The following PRELID2 variants were observed in gnomAD, a reference collection of about 807,000 sequenced individuals.
PRELID2 encodes the protein PRELI domain-containing protein 2.
PRELID2 carries 25 observed loss-of-function variants against 28.4 expected under a neutral mutation model. That is an observed-to-expected ratio of 0.88 (90% CI 0.64 to 1.23). The LOEUF (loss-of-function observed/expected upper bound fraction) is 1.23. PRELID2 is among the 50% of genes most tolerant of loss of function. The pLI is 0.00. For missense variants in PRELID2, 201 were observed against 214.4 expected (o/e 0.94, Z 0.39); for synonymous variants, 76 against 71.6 (o/e 1.06, Z -0.31).
intron 1 of PRELID2, among the ~76,000 whole-genome samples, chr5:145,639,635 C>T (rs185006309): frequency 6.6e-6 from 1 of 152,258 alleles, no homozygotes; most frequent in Admixed American, 6.5e-5. Flanking sequence ...CTTCTATCTG[C>T]CTTTTTCCTA....
the PRELID2 span, among the ~76,000 whole-genome samples, chr5:145,453,259 T>C: frequency 6.6e-6 from 1 of 152,134 alleles, no homozygotes; most frequent in South Asian, 2.1e-4. Context: ...ATGGCATATG[T>C]TAATTAGAAG....
rs1000193255 is a variant in PRELID2 at position 145,758,471 on chromosome 5, T to C, written c.*2065A>G. Reference sequence around the variant, plus strand: ...GATGCCTTGGTTCCACTACCTGAGATTCTGATTTTTGGTCTGAGAAGCAAC... The same window carrying C: ...GATGCCTTGGTTCCACTACCTGAGACTCTGATTTTTGGTCTGAGAAGCAAC... On this transcript the variant is annotated 3_prime_UTR_variant, in exon 7 of 7. Coordinates refer to ENST00000683046, the MANE Select transcript of PRELID2 (RefSeq NM_205846.3). Among the ~76,000 whole-genome samples, 39 of 152,134 alleles carry C rather than the reference T, an allele frequency of 2.6e-4. No homozygotes were observed. The highest frequency in any genetic ancestry group is 8.0e-4 in the African/African-American group (33 of 41,418).
At chr5:145,668,983 C>T (rs1266661847) in intron 1 of PRELID2, among the ~76,000 whole-genome samples, 1 of 152,036 alleles carries the variant, frequency 6.6e-6, no homozygotes, top group Non-Finnish European at 1.5e-5. Flanking sequence ...GGTATCATAT[C>T]TAGAGTCACT....
chr5:145,763,025 T>C (rs1369827102), intron 6 of PRELID2, among the ~76,000 whole-genome samples: 1 of 152,138 alleles, frequency 6.6e-6, no homozygotes, highest in African/African-American at 2.4e-5. Flanking sequence ...AATCAGAACT[T>C]GGGGAGTGGG....
intron 1 of PRELID2, among the ~76,000 whole-genome samples, chr5:145,658,586 G>A (rs929180692): frequency 1.7e-4 from 26 of 152,166 alleles, no homozygotes; most frequent in Middle Eastern, 3.4e-3. Context: ...AAGAATCTGG[G>A]ACCTCTCTCT....
intron 1 of PRELID2, among the ~76,000 whole-genome samples, chr5:145,596,867 A>G (rs147658839): frequency 6.6e-6 from 1 of 152,184 alleles, no homozygotes; most frequent in African/African-American, 2.4e-5. Flanking sequence ...AAAATATTTT[A>G]TGCTAAAGAA....
At chr5:145,412,005 C>G in the PRELID2 span, among the ~76,000 whole-genome samples, 1 of 152,190 alleles carries the variant, frequency 6.6e-6, no homozygotes, top group Non-Finnish European at 1.5e-5. Flanking sequence ...AGTCCTGAGG[C>G]TGCACACAGC....
chr5:145,800,765 A>G (rs1581230511), intron 4 of PRELID2, among the ~76,000 whole-genome samples: 1 of 152,198 alleles, frequency 6.6e-6, no homozygotes, highest in Non-Finnish European at 1.5e-5. Context: ...TTATCCTACT[A>G]TATTTTAAGA....
At chr5:145,765,271 GT>G (rs1433130965) in intron 5 of PRELID2, among the ~76,000 whole-genome samples, 1 of 152,216 alleles carries the variant, frequency 6.6e-6, no homozygotes, top group Non-Finnish European at 1.5e-5. Context: ...CCCAAGAGTA[GT>G]TAAATAACTT....
intron 1 of PRELID2, among the ~76,000 whole-genome samples, chr5:145,640,221 T>C (rs1324325182): frequency 6.6e-6 from 1 of 152,022 alleles, no homozygotes; most frequent in Non-Finnish European, 1.5e-5. Context: ...GCGCGGTGGC[T>C]CACGCCTGTA....
the PRELID2 span, among the ~76,000 whole-genome samples, chr5:145,300,476 T>C: frequency 5.3e-5 from 8 of 152,162 alleles, no homozygotes; most frequent in African/African-American, 1.9e-4. Flanking sequence ...CAAATTCAAA[T>C]TTTAAAATAT....
At chr5:145,614,468 A>G (rs1581003481) in intron 1 of PRELID2, among the ~76,000 whole-genome samples, 1 of 152,116 alleles carries the variant, frequency 6.6e-6, no homozygotes, top group South Asian at 2.1e-4. Context: ...ATGCATTTCC[A>G]TTTGCTCGTG....
chr5:145,384,737 A>C, the PRELID2 span, among the ~76,000 whole-genome samples: 10 of 152,234 alleles, frequency 6.6e-5, no homozygotes, highest in South Asian at 2.1e-3. Context: ...GCGGAAGGTG[A>C]AGTAGGATTT....
intron 5 of PRELID2, among the ~76,000 whole-genome samples, chr5:145,771,904 G>A (rs959131658): frequency 4.6e-5 from 7 of 152,134 alleles, no homozygotes; most frequent in African/African-American, 1.2e-4. Flanking sequence ...CTGCATGGGA[G>A]GAAGGAAGAG....
chr5:145,324,399 G>A, the PRELID2 span, among the ~76,000 whole-genome samples: 1 of 152,112 alleles, frequency 6.6e-6, no homozygotes, highest in Non-Finnish European at 1.5e-5. Flanking sequence ...TAGGAGCCAG[G>A]GTCCAAGTTG....
chr5:145,317,700 C>A, the PRELID2 span, among the ~76,000 whole-genome samples: 1 of 152,170 alleles, frequency 6.6e-6, no homozygotes. Context: ...ATGACTCCAG[C>A]TCACTCCAGA....
chr5:145,768,379 A>T (rs548608206), intron 5 of PRELID2, among the ~76,000 whole-genome samples: 217 of 152,296 alleles, frequency 1.4e-3, no homozygotes, highest in Non-Finnish European at 1.5e-3. Context: ...CAGTTAACAA[A>T]TATGTACTAT....
chr5:145,506,620 A>G (rs1220167727), intron 1 of PRELID2, among the ~76,000 whole-genome samples: 2 of 152,196 alleles, frequency 1.3e-5, no homozygotes, highest in Non-Finnish European at 2.9e-5. Context: ...ATTGGCCAAA[A>G]CAAGCCATTC....
intron 1 of PRELID2, among the ~76,000 whole-genome samples, chr5:145,668,965 CGGTTTCA>C (rs1754650498): frequency 6.6e-6 from 1 of 152,034 alleles, no homozygotes; most frequent in Admixed American, 6.6e-5. Context: ...CAGGCTGCAG[CGGTTTCA>C]GGTATCATAT....
Sources: allele counts gnomAD v4.1 joint callset (sites outside exome capture counted in the v4.1 genomes callset), GRCh38; gene constraint gnomAD v4.1.1; transcripts MANE v1.5; gene names NCBI Gene and HGNC (gene_info 2026-07-23, HGNC 2026-07-21).